Variants in PKHD1 observed in about 807,000 individuals in gnomAD.
The protein encoded by PKHD1 is fibrocystin.
In PKHD1, 291 loss-of-function variants were observed where a neutral mutation model predicts 412.0. That is an observed-to-expected ratio of 0.71 (90% CI 0.64 to 0.78). The LOEUF is 0.78. PKHD1 is among the 30% of genes least tolerant of loss of function. The pLI, the probability that PKHD1 is intolerant of heterozygous loss-of-function variation, is 0.00. For missense variants in PKHD1, 4,825 were observed against 4,950.7 expected (o/e 0.97, Z 0.76); for synonymous variants, 1,777 against 1,821.5 (o/e 0.98, Z 0.62).
In PKHD1 at chr6:51,748,281, G is replaced by A. The variant is rs1407065852; in HGVS notation, c.9335C>T (p.Ser3112Phe). ...GTCAGACCAAAGCAGTTCACAAGAG[G>A]AGCACTTGTGGCCTCGGATGTGAAA... ...LGFHIRGHKC[S>F]SCELLWSDNV... Residue 3112 changes from serine to phenylalanine, a missense_variant, in exon 58 of 67, where the codon TCC (serine) becomes TTC (phenylalanine). Transcript: ENST00000371117. 1 of 1,613,954 alleles carries A rather than the reference G, an allele frequency of 6.2e-7. No individual in the cohort carries two copies. The highest frequency in any genetic ancestry group is 1.1e-5 in the South Asian group (1 of 91,068).
intron 64 of PKHD1, among the ~76,000 whole-genome samples, chr6:51,633,897 A>C (rs1581760286): frequency 6.6e-6 from 1 of 152,168 alleles, no homozygotes; most frequent in East Asian, 1.9e-4. Flanking sequence ...TTTAAAAATA[A>C]ATTGTTTGAA....
At chr6:51,828,884 C>T (rs1263554299) in intron 52 of PKHD1, among the ~76,000 whole-genome samples, 1 of 152,062 alleles carries the variant, frequency 6.6e-6, no homozygotes, top group Non-Finnish European at 1.5e-5. Flanking sequence ...AGACCCCAAT[C>T]CAAATGGCAC....
intron 41 of PKHD1, among the ~76,000 whole-genome samples, chr6:51,905,174 T>C (rs1356043481): frequency 6.6e-6 from 1 of 152,220 alleles, no homozygotes; most frequent in African/African-American, 2.4e-5. Flanking sequence ...AATACAGTTA[T>C]ATTCTCACTT....
intron 35 of PKHD1, among the ~76,000 whole-genome samples, chr6:51,977,342 C>T (rs1794594812): frequency 6.6e-6 from 1 of 152,232 alleles, no homozygotes; most frequent in Admixed American, 6.5e-5. Context: ...CGCTACTCCC[C>T]TACTCCCAAC....
At chr6:51,896,525 A>C (rs1435670819) in intron 43 of PKHD1, among the ~76,000 whole-genome samples, 2 of 151,748 alleles carry the variant, frequency 1.3e-5, no homozygotes, top group African/African-American at 4.8e-5. Context: ...CATCACCATC[A>C]TCAAAGACCA....
intron 60 of PKHD1, among the ~76,000 whole-genome samples, chr6:51,732,484 GA>G (rs1370135063): frequency 1.3e-5 from 2 of 152,020 alleles, no homozygotes; most frequent in Non-Finnish European, 1.5e-5. Flanking sequence ...ATTAATATGG[GA>G]CTTGAATAGA....
At chr6:51,657,436 C>G (rs919956567) in intron 61 of PKHD1, among the ~76,000 whole-genome samples, 1 of 152,108 alleles carries the variant, frequency 6.6e-6, no homozygotes, top group Non-Finnish European at 1.5e-5. Flanking sequence ...AGCAGCCCTT[C>G]TTTATCTTCA....
chr6:51,941,140 C>T (rs1254736989), intron 36 of PKHD1, among the ~76,000 whole-genome samples: 1 of 150,736 alleles, frequency 6.6e-6, no homozygotes, highest in Non-Finnish European at 1.5e-5. Flanking sequence ...CCCATTAAAA[C>T]CTAATCACCC....
chr6:51,934,426 G>A (rs1787153362), intron 36 of PKHD1, 104 bp from the exon 37 acceptor site: 2 of 764,362 alleles, frequency 2.6e-6, no homozygotes, highest in Admixed American at 2.0e-5. Flanking sequence ...ACTTCTGCTG[G>A]AATGTAGACT....
intron 63 of PKHD1, among the ~76,000 whole-genome samples, chr6:51,646,476 A>C (rs1770102736): frequency 1.3e-5 from 2 of 152,164 alleles, no homozygotes; most frequent in African/African-American, 4.8e-5. Flanking sequence ...AGAAGAAAAA[A>C]ACTCTTGTGA....
At chr6:51,934,453 C>G (rs1471490654) in intron 36 of PKHD1, 131 bp from the exon 37 acceptor site, 2 of 713,512 alleles carry the variant, frequency 2.8e-6, no homozygotes, top group South Asian at 1.5e-5. Context: ...ATCATGCTCT[C>G]TCTTGTAGAA....
chr6:51,914,448 C>T (rs1783464696), intron 37 of PKHD1, among the ~76,000 whole-genome samples: 1 of 152,090 alleles, frequency 6.6e-6, no homozygotes, highest in Non-Finnish European at 1.5e-5. Context: ...GTGTTGGCCT[C>T]ATATTTCTAG....
intron 35 of PKHD1, among the ~76,000 whole-genome samples, chr6:51,982,223 C>G (rs1297635097): frequency 9.8e-5 from 3 of 30,586 alleles, no homozygotes; most frequent in Non-Finnish European, 1.8e-4. Context: ...CCGCCCCATC[C>G]GGGAGGTGAG....
chr6:51,860,396 A>G (rs1285735017), intron 48 of PKHD1, among the ~76,000 whole-genome samples: 1 of 152,230 alleles, frequency 6.6e-6, no homozygotes, highest in African/African-American at 2.4e-5. Flanking sequence ...AAGAGTCCAA[A>G]AAACACCATG....
At chr6:51,806,936 A>G (rs1763869681) in intron 52 of PKHD1, among the ~76,000 whole-genome samples, 1 of 152,060 alleles carries the variant, frequency 6.6e-6, no homozygotes, top group South Asian at 2.1e-4. Flanking sequence ...AAAGAGAAGA[A>G]AGGGGTGCTG....
intron 53 of PKHD1, among the ~76,000 whole-genome samples, chr6:51,789,899 T>C (rs1170866716): frequency 3.3e-5 from 5 of 152,146 alleles, no homozygotes; most frequent in Non-Finnish European, 1.5e-5. Context: ...CTATAGAAAT[T>C]AGAGGAAGAT....
At chr6:51,636,000 A>T (rs940462606) in intron 64 of PKHD1, among the ~76,000 whole-genome samples, 1 of 152,098 alleles carries the variant, frequency 6.6e-6, no homozygotes, top group African/African-American at 2.4e-5. Flanking sequence ...ACACCATGGT[A>T]ATGATAGTGA....
intron 49 of PKHD1, among the ~76,000 whole-genome samples, chr6:51,849,500 C>T (rs1771804051): frequency 6.6e-6 from 1 of 152,206 alleles, no homozygotes; most frequent in African/African-American, 2.4e-5. Context: ...AACTAATTTA[C>T]ATTCCCACCA....
chr6:51,678,148 C>A (rs2150547192), intron 60 of PKHD1, among the ~76,000 whole-genome samples: 1 of 152,210 alleles, frequency 6.6e-6, no homozygotes, highest in African/African-American at 2.4e-5. Context: ...AGTGGGAGAT[C>A]AGATTTTAAA....
Sources: gnomAD v4.1 joint callset for allele counts (sites outside exome capture counted in the v4.1 genomes callset) on GRCh38, gnomAD v4.1.1 for gene constraint, MANE v1.5 for transcripts, NCBI Gene and HGNC (gene_info 2026-07-23, HGNC 2026-07-21) for gene names.